The following IDE variants were observed in gnomAD, a reference collection of about 807,000 sequenced individuals.
The protein encoded by IDE is insulin-degrading enzyme.
In IDE, 58 loss-of-function variants were observed where a neutral mutation model predicts 133.2. The ratio of observed to expected loss-of-function variants is 0.44; its 90% confidence interval spans 0.35 to 0.54. IDE has a LOEUF of 0.54. Among genes scored for constraint, IDE ranks in the 20% least tolerant of loss-of-function variants. The pLI is 0.00. For synonymous variants in IDE, 396 were observed against 421.3 expected, an observed-to-expected ratio of 0.94 and a Z score of 0.73; for missense variants, 981 against 1,234.0, an observed-to-expected ratio of 0.79 and a Z score of 3.07.
chr10:92,536,210 T>G (rs1326543222), intron 2 of IDE, among the ~76,000 whole-genome samples: 1 of 128,772 alleles, frequency 7.8e-6, no homozygotes, highest in Non-Finnish European at 1.7e-5. Context: ...TGGTGAAACC[T>G]CATCTCTACT....
At chr10:92,566,662 A>AG (rs1160560945) in intron 1 of IDE, among the ~76,000 whole-genome samples, 2 of 151,836 alleles carry the variant, frequency 1.3e-5, no homozygotes, top group African/African-American at 4.8e-5. Flanking sequence ...TGGGTACCAA[A>AG]GAAAAAAAAA....
chr10:92,496,021 C>G (rs997470211), intron 11 of IDE, among the ~76,000 whole-genome samples: 38 of 151,818 alleles, frequency 2.5e-4, no homozygotes, highest in African/African-American at 8.0e-4. Context: ...ATTACAGGTG[C>G]CTGCCACCAT....
At chr10:92,561,048 T>C (rs901483674) in intron 1 of IDE, among the ~76,000 whole-genome samples, 2 of 151,660 alleles carry the variant, frequency 1.3e-5, no homozygotes, top group Non-Finnish European at 2.9e-5. Context: ...AGGTCAGGAG[T>C]TCGAGACCAG....
chr10:92,478,677 A>G, intron 15 of IDE: 2 of 1,267,112 alleles, frequency 1.6e-6, no homozygotes, highest in Non-Finnish European at 2.0e-6. Context: ...GCAATGCCAT[A>G]GCTCAAACCT....
chr10:92,483,880 G>C (rs1227216454), intron 13 of IDE, among the ~76,000 whole-genome samples: 1 of 152,112 alleles, frequency 6.6e-6, no homozygotes, highest in African/African-American at 2.4e-5. Flanking sequence ...TTCCCTCCTG[G>C]ATCACTCACT....
intron 6 of IDE, 123 bp downstream of exon 6, chr10:92,509,921 CAAAAAA>C: frequency 1.8e-5 from 6 of 334,316 alleles, no homozygotes; most frequent in South Asian, 7.9e-5. Flanking sequence ...ACTCTGTTTC[CAAAAAA>C]AAAAAAAAAA....
intron 17 of IDE, among the ~76,000 whole-genome samples, chr10:92,472,320 A>C (rs1846009295): frequency 6.6e-6 from 1 of 152,188 alleles, no homozygotes; most frequent in Non-Finnish European, 1.5e-5. Flanking sequence ...TTGCTTTTTG[A>C]TCATTATAAA....
intron 16 of IDE, 87 bp from the exon 17 acceptor site, chr10:92,475,048 T>A: frequency 2.1e-6 from 2 of 973,060 alleles, no homozygotes; most frequent in South Asian, 3.3e-5. Context: ...TTCAATTCTC[T>A]ATAAACTGTA....
At position 92,479,381 on chromosome 10, in the gene IDE, A is replaced by C. The variant is rs1386168590; in HGVS notation, c.1780T>G (p.Tyr594Asp). The C allele has an allele frequency of 6.2e-7, 1 of 1,613,332 alleles. No homozygotes were observed. Among genetic ancestry groups the C allele is most frequent in the Non-Finnish European group, 8.5e-7 (1 of 1,179,396 alleles). The part of the protein sequence containing the change: ...YVDPLHCNMA[Y>D]LYLELLKDSL... ...TCTTTGAGGAGCTCAAGGTACAAAT[A>C]GGCCATGTTACAGTGCAAGGGGTCC... is the stretch of plus-strand genomic sequence containing the variant. The change falls in exon 15 of 25, where the codon TAT (tyrosine) becomes GAT (aspartate). Residue 594 changes from tyrosine to aspartate, a missense_variant. Transcript: ENST00000265986.
At chr10:92,483,199 T>C (rs1312006648) in intron 14 of IDE, 56 bp downstream of exon 14, 24 of 874,630 alleles carry the variant, frequency 2.7e-5, no homozygotes, top group Non-Finnish European at 3.8e-5. Flanking sequence ...AGACAACTCC[T>C]GGAAACGTAA....
intron 1 of IDE, among the ~76,000 whole-genome samples, chr10:92,549,382 T>C (rs1175932066): frequency 1.3e-5 from 2 of 152,194 alleles, no homozygotes; most frequent in East Asian, 1.9e-4. Flanking sequence ...TCTATCCACT[T>C]AAATCCAAGA....
At chr10:92,493,111 G>A (rs1400121880) in intron 11 of IDE, among the ~76,000 whole-genome samples, 1 of 152,198 alleles carries the variant, frequency 6.6e-6, no homozygotes, top group East Asian at 1.9e-4. Context: ...TGCGTCAGAA[G>A]GAAGTGATGC....
intron 22 of IDE, among the ~76,000 whole-genome samples, chr10:92,458,541 G>A (rs12781670): frequency 0.08 from 10,057 of 126,430 alleles, 422 homozygotes; most frequent in Middle Eastern, 0.22. Context: ...TCGCTCTGTC[G>A]CCCAGGCTGG....
At chr10:92,471,900 T>C (rs906305677) in intron 17 of IDE, among the ~76,000 whole-genome samples, 2 of 152,102 alleles carry the variant, frequency 1.3e-5, no homozygotes, top group African/African-American at 4.8e-5. Flanking sequence ...GGTTTTGCCA[T>C]GTTTAATTGA....
At chr10:92,466,142 G>C (rs1407854678) in intron 19 of IDE, among the ~76,000 whole-genome samples, 3 of 150,450 alleles carry the variant, frequency 2.0e-5, no homozygotes, top group African/African-American at 4.9e-5. Context: ...GAGGCGGGAG[G>C]ATCACTTGAC....
chr10:92,475,063 T>C, intron 16 of IDE, 102 bp from the exon 17 acceptor site: 1 of 822,330 alleles, frequency 1.2e-6, no homozygotes, highest in Non-Finnish European at 1.9e-6. Flanking sequence ...ACTGTATTAC[T>C]AGGATATTCC....
intron 1 of IDE, among the ~76,000 whole-genome samples, chr10:92,540,853 T>C (rs1176681446): frequency 2.0e-5 from 3 of 152,172 alleles, no homozygotes; most frequent in Non-Finnish European, 4.4e-5. Context: ...TTCCCTTATC[T>C]GGATTTTAAT....
chr10:92,543,484 T>C (rs1252837623), intron 1 of IDE, among the ~76,000 whole-genome samples: 1 of 152,236 alleles, frequency 6.6e-6, no homozygotes, highest in Non-Finnish European at 1.5e-5. Flanking sequence ...CCTAACTTCA[T>C]ACACCAGCTA....
chr10:92,563,896 G>T (rs886638774), intron 1 of IDE, among the ~76,000 whole-genome samples: 1 of 152,134 alleles, frequency 6.6e-6, no homozygotes, highest in East Asian at 1.9e-4. Context: ...ATCCCTGAAA[G>T]CTTGCTGCTT....
Sources: allele counts gnomAD v4.1 joint callset (sites outside exome capture counted in the v4.1 genomes callset), GRCh38; gene constraint gnomAD v4.1.1; transcripts MANE v1.5; gene names NCBI Gene and HGNC (gene_info 2026-07-23, HGNC 2026-07-21).